The following ACCSL variants were observed in gnomAD, a reference collection of about 807,000 sequenced individuals.
ACCSL encodes probable inactive 1-aminocyclopropane-1-carboxylate synthase-like protein 2.
In ACCSL, 55 loss-of-function variants were observed where a neutral mutation model predicts 61.7. The observed-to-expected ratio is 0.89, with a 90% CI of 0.72 to 1.12. ACCSL has a LOEUF of 1.12. ACCSL is among the 50% of genes most tolerant of loss of function. The pLI is 0.00. For synonymous variants in ACCSL, 258 were observed against 264.3 expected (o/e 0.98, Z 0.23); for missense variants, 632 against 698.0 (o/e 0.91, Z 1.07).
chr11:43,946,187 A>G, the ACCSL span, among the ~76,000 whole-genome samples: 2 of 152,150 alleles, frequency 1.3e-5, no homozygotes, highest in Admixed American at 1.3e-4. Flanking sequence ...CCCAGGTTCA[A>G]GCGATTCTCC....
chr11:43,962,629 G>A, the ACCSL span, among the ~76,000 whole-genome samples: 504 of 152,238 alleles, frequency 3.3e-3, 2 homozygotes, highest in Non-Finnish European at 4.9e-3. Context: ...TCTCTTTTAC[G>A]CCTATTATTC....
chr11:43,931,763 C>A, the ACCSL span, among the ~76,000 whole-genome samples: 1 of 152,194 alleles, frequency 6.6e-6, no homozygotes, highest in Non-Finnish European at 1.5e-5. Flanking sequence ...CCTGCGCGTC[C>A]CTTTAAGGGA....
chr11:43,943,366 G>A, the ACCSL span: 37 of 1,384,570 alleles, frequency 2.7e-5, no homozygotes, highest in Middle Eastern at 6.9e-4. This position sits in a 1 kb window ranked among gnomAD's most constrained non-coding sequence, Gnocchi z 4.8. Flanking sequence ...GCTCCCGGGG[G>A]ACCCGCAAGG....
chr11:44,047,954 G>T, upstream of ACCSL: 1 of 1,507,912 alleles, frequency 6.6e-7, no homozygotes. Flanking sequence ...GGGTCCAGGA[G>T]ATCCTCCTTT....
chr11:43,994,482 G>A, the ACCSL span, among the ~76,000 whole-genome samples: 1 of 151,968 alleles, frequency 6.6e-6, no homozygotes, highest in Non-Finnish European at 1.5e-5. Flanking sequence ...TCCTTTATTT[G>A]TTCTTTATAT....
the ACCSL span, among the ~76,000 whole-genome samples, chr11:43,984,145 C>T: frequency 3.9e-5 from 6 of 151,978 alleles, no homozygotes; most frequent in African/African-American, 1.2e-4. Context: ...CTTGCAAAGA[C>T]GCTGTGAGAT....
the ACCSL span, among the ~76,000 whole-genome samples, chr11:43,991,377 A>G: frequency 6.6e-6 from 1 of 152,252 alleles, no homozygotes; most frequent in Non-Finnish European, 1.5e-5. Flanking sequence ...AGTGTATGAA[A>G]TATTTCCCAG....
the ACCSL span, among the ~76,000 whole-genome samples, chr11:43,998,917 A>C: frequency 1.3e-5 from 2 of 152,002 alleles, no homozygotes. Flanking sequence ...GCACCATCAC[A>C]CCAGGCTAAA....
At chr11:43,979,324 C>T in the ACCSL span, among the ~76,000 whole-genome samples, 2 of 151,464 alleles carry the variant, frequency 1.3e-5, no homozygotes, top group South Asian at 2.1e-4. Flanking sequence ...GCAGCAAGAC[C>T]CTGTCTCAAA....
At chr11:44,007,058 T>C in the ACCSL span, among the ~76,000 whole-genome samples, 6 of 151,770 alleles carry the variant, frequency 4.0e-5, no homozygotes, top group Non-Finnish European at 8.8e-5. Flanking sequence ...GGGCCAAAAA[T>C]AGAGATAAAG....
chr11:43,939,081 A>G, the ACCSL span, among the ~76,000 whole-genome samples: 1 of 152,160 alleles, frequency 6.6e-6, no homozygotes, highest in Non-Finnish European at 1.5e-5. Context: ...AAACTGGCCA[A>G]TCTCTTTCTT....
the ACCSL span, among the ~76,000 whole-genome samples, chr11:44,035,636 C>A: frequency 6.6e-6 from 1 of 152,018 alleles, no homozygotes; most frequent in Non-Finnish European, 1.5e-5. Context: ...GGCATTAGAA[C>A]CATAAAGAAT....
chr11:43,981,639 T>A, the ACCSL span, among the ~76,000 whole-genome samples: 1 of 152,200 alleles, frequency 6.6e-6, no homozygotes, highest in Non-Finnish European at 1.5e-5. Context: ...GAATTTGTCT[T>A]CCTGTGCTCT....
the ACCSL span, among the ~76,000 whole-genome samples, chr11:43,947,551 G>A: frequency 2.2e-4 from 33 of 152,260 alleles, no homozygotes; most frequent in South Asian, 6.8e-3. Context: ...GCAAGAGAGA[G>A]CAAGAGTCAG....
the ACCSL span, among the ~76,000 whole-genome samples, chr11:43,949,828 A>AAACAAAC: frequency 1.3e-5 from 2 of 150,556 alleles, no homozygotes; most frequent in African/African-American, 2.5e-5. Context: ...AAAAACAAAC[A>AAACAAAC]AACAACAACA....
At chr11:44,045,453 C>G (rs1232421625), upstream of ACCSL, among the ~76,000 whole-genome samples, 1 of 151,992 alleles carries the variant, frequency 6.6e-6, no homozygotes, top group Non-Finnish European at 1.5e-5. Context: ...AACAAACAAC[C>G]CCCCCCACAA....
the ACCSL span, among the ~76,000 whole-genome samples, chr11:43,966,220 G>A: frequency 6.6e-6 from 1 of 152,284 alleles, no homozygotes; most frequent in Admixed American, 6.5e-5. Context: ...GAGGTCAGGA[G>A]TTCAAGACCA....
At chr11:43,990,346 C>T in the ACCSL span, among the ~76,000 whole-genome samples, 1 of 152,128 alleles carries the variant, frequency 6.6e-6, no homozygotes, top group African/African-American at 2.4e-5. Flanking sequence ...GGAAGTCCAA[C>T]ATCAAGATAC....
At chr11:43,951,699 G>T in the ACCSL span, among the ~76,000 whole-genome samples, 1 of 152,202 alleles carries the variant, frequency 6.6e-6, no homozygotes, top group East Asian at 1.9e-4. Flanking sequence ...TGTAACAGGG[G>T]TTGTTATTAA....
Sources: allele counts gnomAD v4.1 joint callset (sites outside exome capture counted in the v4.1 genomes callset), GRCh38; gene constraint gnomAD v4.1.1; non-coding constraint Gnocchi (gnomAD v3.1); transcripts MANE v1.5; gene names NCBI Gene and HGNC (gene_info 2026-07-23, HGNC 2026-07-21).